CNRIP1: variants seen among roughly 807,000 people sequenced by gnomAD.
CNRIP1 encodes the protein cannabinoid receptor interacting protein 1, also known as CB1 cannabinoid receptor-interacting protein 1.
CNRIP1 carries 10 observed loss-of-function variants against 15.2 expected under a neutral mutation model. The ratio of observed to expected loss-of-function variants is 0.66; its 90% CI spans 0.41 to 1.12. The LOEUF (loss-of-function observed/expected upper bound fraction) is 1.12, where lower values mean the gene tolerates loss of function less well. Ranked by LOEUF, CNRIP1 falls within the 50% of genes most tolerant of loss-of-function variation. The probability of loss-of-function intolerance (pLI) is 0.00; values close to 1 mark genes in which losing one functional copy is unlikely to be tolerated. For missense variants in CNRIP1, 211 were observed against 214.7 expected, an observed-to-expected ratio of 0.98 and a Z score of 0.11; for synonymous variants, 91 against 83.2, an observed-to-expected ratio of 1.09 and a Z score of -0.51.
In CNRIP1 at chr2:68,306,124, C is replaced by CAAAAAAAAAAAAA. The variant is rs61586261; in HGVS notation, c.330+11020_330+11032dup. ...CTGGGCAGCAGAGACCCCACCTCTA[C>CAAAAAAAAAAAAA]AAAAAAAAAAAAAAAAAAAAAAAAA... On this transcript the variant is annotated intron_variant, in intron 2 of 2. Coordinates refer to ENST00000263655, the MANE Select transcript of CNRIP1 (RefSeq NM_015463.3). Among the ~76,000 whole-genome samples the CAAAAAAAAAAAAA allele has an allele frequency of 6.2e-3, 157 of 25,340 alleles. 27 individuals are homozygous for CAAAAAAAAAAAAA. The highest frequency in any genetic ancestry group is 0.013 in the Admixed American group (18 of 1,386). 16.6% of individuals were successfully genotyped at this position (25,340 alleles called of 152,430 possible). A position where few individuals can be genotyped will look rare whatever the true frequency, so the allele number is the denominator to read the frequency against.
At chr2:68,291,878 CAAAAAAAAAA>C (rs527648471), downstream of CNRIP1, among the ~76,000 whole-genome samples, 2 of 85,058 alleles carry the variant, frequency 2.4e-5, no homozygotes, top group Admixed American at 1.3e-4. Flanking sequence ...GACTCCATCT[CAAAAAAAAAA>C]AAAAAAAAAA....
At chr2:68,303,600 A>T (rs1030869665) in intron 2 of CNRIP1, among the ~76,000 whole-genome samples, 1 of 152,250 alleles carries the variant, frequency 6.6e-6, no homozygotes, top group Non-Finnish European at 1.5e-5. Flanking sequence ...AACAGTTTCA[A>T]AAGCACTCGA....
Position 68,293,680 on chromosome 2 carries a change from C to T in CNRIP1, c.*182G>A, listed in dbSNP as rs2103890404. On this transcript the variant is annotated 3_prime_UTR_variant, in exon 3 of 3. Transcript: ENST00000263655. Reference sequence around the variant, plus strand: ...ATTCTCGGGAGTGGTACATCACCATCTTGTATGTGAGGGATATTGTGTCAG... The same window carrying T: ...ATTCTCGGGAGTGGTACATCACCATTTTGTATGTGAGGGATATTGTGTCAG... The T allele has an allele frequency of 7.3e-7, 1 of 1,361,986 alleles. No homozygotes were observed. The highest frequency in any genetic ancestry group is 2.7e-5 in the East Asian group (1 of 37,538). The allele number at this position is 1,361,986 out of a possible 1,614,324, so 84.4% of individuals were successfully genotyped here. A position where few individuals can be genotyped will look rare whatever the true frequency, so the allele number is the denominator to read the frequency against.
chr2:68,312,035 T>C (rs754595932), intron 2 of CNRIP1, among the ~76,000 whole-genome samples: 4 of 152,180 alleles, frequency 2.6e-5, no homozygotes, highest in East Asian at 1.9e-4. Context: ...TATGCCTTCA[T>C]TGGTGAATTC....
intron 2 of CNRIP1, 112 bp downstream of exon 2, chr2:68,317,045 C>T: frequency 2.3e-6 from 3 of 1,292,458 alleles, no homozygotes; most frequent in Non-Finnish European, 2.3e-6. Flanking sequence ...TCAATTTCCA[C>T]AGTAATTGGC....
intron 2 of CNRIP1, among the ~76,000 whole-genome samples, chr2:68,305,793 CA>C (rs549415627): frequency 0.12 from 11,461 of 94,056 alleles, 517 homozygotes; most frequent in African/African-American, 0.17. Context: ...AAGACTCTTC[CA>C]AAAAAAAAAA....
intron 2 of CNRIP1, among the ~76,000 whole-genome samples, chr2:68,304,096 C>CA (rs1205317551): frequency 2.0e-5 from 3 of 150,146 alleles, no homozygotes; most frequent in South Asian, 2.1e-4. Context: ...AAAAAACAAA[C>CA]AAAAAAGCCA....
intron 2 of CNRIP1, among the ~76,000 whole-genome samples, chr2:68,285,914 TA>T (rs1336016969): frequency 1.3e-5 from 2 of 152,130 alleles, no homozygotes. Context: ...TTTAATCTTA[TA>T]AAAATCTCCA....
At chr2:68,289,334 C>T (rs1671105988), downstream of CNRIP1, among the ~76,000 whole-genome samples, 1 of 152,026 alleles carries the variant, frequency 6.6e-6, no homozygotes, top group South Asian at 2.1e-4. Flanking sequence ...TTTACCTTTC[C>T]AAGCATCAAA....
At chr2:68,299,770 C>T (rs781078023) in intron 2 of CNRIP1, among the ~76,000 whole-genome samples, 1 of 152,206 alleles carries the variant, frequency 6.6e-6, no homozygotes, top group Non-Finnish European at 1.5e-5. Flanking sequence ...AGACTCATCT[C>T]TTGTCCTCAA....
intron 2 of CNRIP1, among the ~76,000 whole-genome samples, chr2:68,315,367 G>A (rs1012983800): frequency 6.6e-6 from 1 of 152,146 alleles, no homozygotes; most frequent in Non-Finnish European, 1.5e-5. Context: ...GATGATAGGC[G>A]TGTAAATTGC....
intron 2 of CNRIP1, among the ~76,000 whole-genome samples, chr2:68,298,016 G>C (rs1293141198): frequency 6.6e-6 from 1 of 152,008 alleles, no homozygotes; most frequent in Non-Finnish European, 1.5e-5. Context: ...TTTAAATGGT[G>C]AAATGGATTT....
intron 2 of CNRIP1, chr2:68,284,549 C>T (rs759521494): frequency 1.9e-5 from 20 of 1,065,690 alleles, no homozygotes; most frequent in Middle Eastern, 2.9e-4. Context: ...CAGTGACTCA[C>T]GCCCGTAATC....
intron 2 of CNRIP1, among the ~76,000 whole-genome samples, chr2:68,312,839 A>G (rs1672142546): frequency 6.6e-6 from 1 of 152,196 alleles, no homozygotes; most frequent in Admixed American, 6.5e-5. Context: ...ATATGAAATA[A>G]TAAATTTAAC....
intron 2 of CNRIP1, among the ~76,000 whole-genome samples, chr2:68,305,828 G>A (rs1289437979): frequency 1.4e-5 from 2 of 145,462 alleles, no homozygotes; most frequent in Non-Finnish European, 3.0e-5. Flanking sequence ...CACACACCTG[G>A]CAGTAAAGAA....
chr2:68,315,134 T>G (rs1336337079), intron 2 of CNRIP1, among the ~76,000 whole-genome samples: 1 of 152,072 alleles, frequency 6.6e-6, no homozygotes, highest in African/African-American at 2.4e-5. Context: ...AATGACGATT[T>G]TAAATTTATA....
At chr2:68,304,798 TAAAG>T (rs1478439035) in intron 2 of CNRIP1, among the ~76,000 whole-genome samples, 2 of 152,054 alleles carry the variant, frequency 1.3e-5, no homozygotes, top group Non-Finnish European at 2.9e-5. Flanking sequence ...AGGCTGATAA[TAAAG>T]AAAATGATTG....
At chr2:68,291,283 C>A (rs1373386312), downstream of CNRIP1, among the ~76,000 whole-genome samples, 2 of 151,194 alleles carry the variant, frequency 1.3e-5, 1 homozygote, top group African/African-American at 4.9e-5. Context: ...GATATGCACA[C>A]ACACTTTCCC....
intron 2 of CNRIP1, among the ~76,000 whole-genome samples, chr2:68,285,668 A>AAAAAGAAAAGAAAAGAAAAG (rs1553413238): frequency 8.0e-6 from 1 of 124,438 alleles, no homozygotes; most frequent in Admixed American, 9.2e-5. Flanking sequence ...AAAAAAAAAA[A>AAAAAGAAAAGAAAAGAAAAG]AAAAGAAAAG....
Sources: gnomAD v4.1 joint callset for allele counts (sites outside exome capture counted in the v4.1 genomes callset) on GRCh38, gnomAD v4.1.1 for gene constraint, MANE v1.5 for transcripts, NCBI Gene and HGNC (gene_info 2026-07-23, HGNC 2026-07-21) for gene names.